PHLPP2: variants seen among roughly 807,000 people sequenced by gnomAD.
PHLPP2 encodes PH domain and leucine rich repeat protein phosphatase 2.
In PHLPP2, 66 loss-of-function variants were observed where a neutral mutation model predicts 124.9. The observed-to-expected ratio is 0.53, with a 90% confidence interval of 0.43 to 0.65. The LOEUF (loss-of-function observed/expected upper bound fraction) is 0.65. PHLPP2 is among the 30% of genes least tolerant of loss of function. PHLPP2 has a pLI of 0.00. For synonymous variants in PHLPP2, 681 were observed against 624.7 expected, an observed-to-expected ratio of 1.09 and a Z score of -1.34; for missense variants, 1,685 against 1,600.4, an observed-to-expected ratio of 1.05 and a Z score of -0.90.
chr16:71,678,908 G>A lies in PHLPP2; in HGVS notation c.1115C>T (p.Ser372Phe), dbSNP rs570328608. The change falls in exon 8 of 19, where the codon TCC becomes TTC. Residue 372 changes from serine (S) to phenylalanine (F), a missense_variant. Transcript: ENST00000568954. Reference protein sequence around the residue: ...EELGNLQQLSSLGISFNNFSQ... With the variant: ...EELGNLQQLSFLGISFNNFSQ... ...AAAGTTGTTGAAGGAAATTCCCAAG[G>A]AGGAAAGCTGTTGTAGATTTCCCAA... 2.5e-6 allele frequency: 4 copies of A among 1,612,968 alleles called. No individual in the cohort carries two copies. Among genetic ancestry groups the A allele is most frequent in the East Asian group, 2.2e-5 (1 of 44,858 alleles).
chr16:71,680,614 T>C (rs1252602037), intron 6 of PHLPP2, among the ~76,000 whole-genome samples: 1 of 152,228 alleles, frequency 6.6e-6, no homozygotes, highest in African/African-American at 2.4e-5. Context: ...GATACTTCGT[T>C]ATTATACAAG....
At chr16:71,694,557 C>A (rs1447588470) in intron 3 of PHLPP2, among the ~76,000 whole-genome samples, 1 of 151,942 alleles carries the variant, frequency 6.6e-6, no homozygotes, top group Non-Finnish European at 1.5e-5. Context: ...TAAAAAGTTA[C>A]AGGCTGGAAA....
chr16:71,713,745 G>C (rs536915473), intron 2 of PHLPP2, among the ~76,000 whole-genome samples: 8 of 152,080 alleles, frequency 5.3e-5, no homozygotes, highest in African/African-American at 1.9e-4. Flanking sequence ...AATATATGTA[G>C]AGACACATAC....
intron 3 of PHLPP2, among the ~76,000 whole-genome samples, chr16:71,699,133 G>C (rs1234515830): frequency 2.0e-5 from 3 of 152,204 alleles, no homozygotes; most frequent in Non-Finnish European, 4.4e-5. Context: ...AAAAAGGTGA[G>C]AGGGAAGCAT....
In PHLPP2 at chr16:71,702,667, C is replaced by T. The variant is rs1211889832; in HGVS notation, c.349G>A (p.Asp117Asn). 6.2e-7 allele frequency: 1 copy of T among 1,610,950 alleles called. No homozygotes were observed. Among genetic ancestry groups the T allele is most frequent in the Non-Finnish European group, 8.5e-7 (1 of 1,178,524 alleles). ...VYDYLSRLGF[D>N]DPVRIQEEAT... ...TCCTCCTGTATGCGCACAGGATCAT[C>T]AAATCCCAGCCTGGATAAGTAATCA... The change falls in exon 3 of 19, where the codon GAT becomes AAT. Residue 117 changes from aspartate (D) to asparagine (N), a missense_variant. Coordinates refer to ENST00000568954, the MANE Select transcript of PHLPP2 (RefSeq NM_015020.3).
At position 71,672,520 on chromosome 16, in the gene PHLPP2, C is replaced by T. The variant is rs2044904220; in HGVS notation, c.1472-198G>A. 2.6e-5 allele frequency among the ~76,000 whole-genome samples: 4 copies of T among 152,172 alleles called. No homozygotes were observed. In the South Asian group the frequency reaches 8.3e-4, roughly 31 times the overall value. ...TTGTCTTGAAAAACAAATGTAACAGCTAATTGAAGGATCCTGTGTACTGCA... is the reference window on the plus strand; with the variant it reads ...TTGTCTTGAAAAACAAATGTAACAGTTAATTGAAGGATCCTGTGTACTGCA... On this transcript the variant is annotated intron_variant, in intron 9 of 18. Coordinates refer to ENST00000568954, the MANE Select transcript of PHLPP2 (RefSeq NM_015020.3).
intron 1 of PHLPP2, among the ~76,000 whole-genome samples, chr16:71,717,326 A>C (rs2045369921): frequency 6.6e-6 from 1 of 152,236 alleles, no homozygotes; most frequent in Admixed American, 6.5e-5. Flanking sequence ...GGAAAAAAGA[A>C]AAACAAGAGT....
chr16:71,686,081 G>T (rs1567621764), intron 4 of PHLPP2, among the ~76,000 whole-genome samples: 1 of 152,160 alleles, frequency 6.6e-6, no homozygotes, highest in Admixed American at 6.5e-5. Flanking sequence ...ACTCCAGCCT[G>T]GGTGACAGAG....
At chr16:71,674,382 CTT>C (rs371726738) in intron 9 of PHLPP2, among the ~76,000 whole-genome samples, 1 of 141,334 alleles carries the variant, frequency 7.1e-6, no homozygotes, top group Admixed American at 7.1e-5. Context: ...CAGGCCCAGA[CTT>C]TTTTTTTTTT....
intron 1 of PHLPP2, chr16:71,723,797 C>T: frequency 3.8e-6 from 5 of 1,307,956 alleles, no homozygotes; most frequent in South Asian, 1.8e-5. Context: ...TCCCGGCCGG[C>T]GGCTCGCGGG....
intron 16 of PHLPP2, 139 bp from the exon 17 acceptor site, chr16:71,655,573 C>G: frequency 6.7e-6 from 4 of 599,362 alleles, no homozygotes; most frequent in Non-Finnish European, 1.1e-5. Context: ...CATGATCTTG[C>G]CTCACTGCAA....
At chr16:71,715,112 G>C (rs2045353293) in intron 1 of PHLPP2, 1 of 316,180 alleles carries the variant, frequency 3.2e-6, no homozygotes, top group Admixed American at 4.7e-5. Flanking sequence ...AGCACTTTGG[G>C]GGGCCAAGGT....
intron 17 of PHLPP2, among the ~76,000 whole-genome samples, chr16:71,653,541 A>G (rs993411227): frequency 2.0e-5 from 3 of 152,106 alleles, no homozygotes; most frequent in Non-Finnish European, 2.9e-5. Context: ...TTTCCCCCAT[A>G]TGCAGGGCAT....
rs528668207 is a variant in PHLPP2, at chr16:71,695,023, G to A, written c.419-4314C>T. Reference sequence around the variant, plus strand: ...GATGGTCTCGATCTCCCGACCTCATGATCCGCCCGTCTTGGCATCCCAAAG... The same window carrying A: ...GATGGTCTCGATCTCCCGACCTCATAATCCGCCCGTCTTGGCATCCCAAAG... On this transcript the variant is annotated intron_variant, in intron 3 of 18. Transcript: ENST00000568954. 2.0e-5 allele frequency among the ~76,000 whole-genome samples: 3 copies of A among 152,220 alleles called. No homozygotes were observed. In the South Asian group the frequency reaches 6.2e-4, roughly 32 times the overall value.
At chr16:71,659,315 G>A (rs945502544) in intron 13 of PHLPP2, among the ~76,000 whole-genome samples, 2 of 143,056 alleles carry the variant, frequency 1.4e-5, no homozygotes, top group African/African-American at 5.3e-5. Context: ...GCAATGGCCT[G>A]ATTTCAGCTC....
chr16:71,704,307 C>CAAAAAAAAAAAAAAAAAAAAAA (rs56882820), intron 2 of PHLPP2, among the ~76,000 whole-genome samples: 1 of 98,714 alleles, frequency 1.0e-5, no homozygotes, highest in African/African-American at 4.1e-5. Context: ...GACTCTGTCT[C>CAAAAAAAAAAAAAAAAAAAAAA]AAAAAAAAAA....
intron 4 of PHLPP2, among the ~76,000 whole-genome samples, chr16:71,686,708 C>T (rs144278377): frequency 2.0e-5 from 3 of 151,406 alleles, no homozygotes; most frequent in African/African-American, 4.8e-5. Context: ...TTGTATCTGG[C>T]TTCTTTCACT....
intron 10 of PHLPP2, among the ~76,000 whole-genome samples, chr16:71,671,691 G>A (rs977327717): frequency 1.3e-5 from 2 of 152,056 alleles, no homozygotes; most frequent in Non-Finnish European, 2.9e-5. Flanking sequence ...AAGGCAGGCA[G>A]ATCACAAGGT....
intron 9 of PHLPP2, among the ~76,000 whole-genome samples, chr16:71,673,799 A>G (rs1052038588): frequency 6.6e-6 from 1 of 152,194 alleles, no homozygotes; most frequent in Non-Finnish European, 1.5e-5. Context: ...CCTGATAACA[A>G]AAATCTCCAC....
Sources: gnomAD v4.1 joint callset for allele counts (sites outside exome capture counted in the v4.1 genomes callset) on GRCh38, gnomAD v4.1.1 for gene constraint, MANE v1.5 for transcripts, NCBI Gene and HGNC (gene_info 2026-07-23, HGNC 2026-07-21) for gene names.